Variants in HK1 observed in about 807,000 individuals in gnomAD.
The protein encoded by HK1 is hexokinase 1, also known as hexokinase-1.
A neutral mutation model predicts 91.6 loss-of-function variants in HK1; 28 were observed. The observed-to-expected ratio is 0.31, with a 90% CI of 0.23 to 0.42. The LOEUF (loss-of-function observed/expected upper bound fraction) is 0.42, where lower values mean the gene tolerates loss of function less well. Ranked by LOEUF, HK1 falls within the 10% of genes least tolerant of loss-of-function variation. The probability of loss-of-function intolerance (pLI) is 1.00; values close to 1 mark genes in which losing one functional copy is unlikely to be tolerated. For missense variants in HK1, 770 were observed against 1,219.8 expected (o/e 0.63, Z 5.49); for synonymous variants, 430 against 468.1 (o/e 0.92, Z 1.05).
At chr10:69,353,298 C>T (rs2060930469) in intron 2 of HK1, among the ~76,000 whole-genome samples, 2 of 152,160 alleles carry the variant, frequency 1.3e-5, no homozygotes, top group African/African-American at 2.4e-5. Context: ...TCCACAAAAA[C>T]CTAAAACAGG....
At chr10:69,281,939 TC>T (rs1589433441) in intron 1 of HK1, among the ~76,000 whole-genome samples, 1 of 152,192 alleles carries the variant, frequency 6.6e-6, no homozygotes, top group Non-Finnish European at 1.5e-5. Flanking sequence ...AGTGGGCATT[TC>T]ATCTCTCCAC....
intron 5 of HK1, among the ~76,000 whole-genome samples, chr10:69,308,391 G>A (rs950837699): frequency 1.3e-5 from 2 of 152,162 alleles, no homozygotes; most frequent in African/African-American, 4.8e-5. Context: ...AGCTCCCCGA[G>A]TGAACAATTC....
At chr10:69,293,291 T>C (rs1242040849) in intron 3 of HK1, among the ~76,000 whole-genome samples, 1 of 152,182 alleles carries the variant, frequency 6.6e-6, no homozygotes, top group Admixed American at 6.5e-5. Context: ...GGTACTCACA[T>C]GTGCCTGAGG....
At chr10:69,296,585 G>A (rs535976483) in intron 4 of HK1, among the ~76,000 whole-genome samples, 1 of 152,324 alleles carries the variant, frequency 6.6e-6, no homozygotes, top group South Asian at 2.1e-4. Flanking sequence ...TGAGGGAGTG[G>A]TCAACCCCGT....
chr10:69,287,527 A>G (rs2063048), intron 2 of HK1, among the ~76,000 whole-genome samples: 150,606 of 152,332 alleles, frequency 0.99, 74,484 homozygotes, highest in East Asian at 1. Flanking sequence ...ATATCTTTAT[A>G]AGTCCACTTA....
Position 69,398,828 on chromosome 10 carries a change from A to G in HK1, c.2609A>G (p.His870Arg). The G allele has an allele frequency of 1.9e-6, 3 of 1,604,146 alleles. No homozygotes were observed. The highest frequency in any genetic ancestry group is 2.6e-6 in the Non-Finnish European group (3 of 1,171,192). Residue 870 changes from histidine to arginine, a missense_variant and splice_region_variant, in exon 17 of 18, where the codon CAC becomes CGC. His to Arg is a conservative substitution (Grantham distance 29, BLOSUM62 0). Around this residue, in one of 7 missense-constraint regions of HK1, gnomAD observed 78 missense variants for 99.0 expected, o/e 0.79. Coordinates refer to ENST00000359426, the MANE Select transcript of HK1 (RefSeq NM_000188.3). ...VDGTLYKLHP[H>R]FSRIMHQTVK... ...GGGACACTCTACAAGCTTCATCCAC[A>G]GTGAGTGGGCCTTCCAGTTGGGATG...
intron 2 of HK1, among the ~76,000 whole-genome samples, chr10:69,350,578 C>G (rs1040974784): frequency 1.3e-5 from 2 of 151,572 alleles, no homozygotes; most frequent in African/African-American, 2.4e-5. Context: ...AGGAGAATTG[C>G]TTGAACCCGG....
At chr10:69,280,365 C>A (rs1402121748) in intron 1 of HK1, among the ~76,000 whole-genome samples, 1 of 152,180 alleles carries the variant, frequency 6.6e-6, no homozygotes, top group Non-Finnish European at 1.5e-5. Flanking sequence ...GATTTGCCCA[C>A]CTCGGCCTCC....
At chr10:69,341,983 A>G (rs1848314455) in intron 1 of HK1, among the ~76,000 whole-genome samples, 1 of 152,040 alleles carries the variant, frequency 6.6e-6, no homozygotes, top group Non-Finnish European at 1.5e-5. Flanking sequence ...CCCTGTCTCT[A>G]CTAAAAATAC....
At chr10:69,328,767 C>CG (rs1564516075) in intron 1 of HK1, among the ~76,000 whole-genome samples, 1 of 152,096 alleles carries the variant, frequency 6.6e-6, no homozygotes, top group Non-Finnish European at 1.5e-5. Flanking sequence ...CATCACCCTC[C>CG]GAAAAAAACT....
chr10:69,272,052 C>T (rs888157396), intron 1 of HK1, among the ~76,000 whole-genome samples: 3 of 151,928 alleles, frequency 2.0e-5, no homozygotes, highest in East Asian at 3.9e-4. Flanking sequence ...TTGGTAGAGA[C>T]GGGGTTTTGC....
chr10:69,309,331 G>A (rs188744551), intron 5 of HK1, among the ~76,000 whole-genome samples: 2,390 of 150,128 alleles, frequency 0.016, 68 homozygotes, highest in African/African-American at 0.056. Flanking sequence ...ACAGGCACCC[G>A]CCACCACGCC....
At chr10:69,395,654 A>G (rs904856775) in intron 16 of HK1, among the ~76,000 whole-genome samples, 6 of 152,166 alleles carry the variant, frequency 3.9e-5, no homozygotes, top group African/African-American at 1.2e-4. Flanking sequence ...TTTATTTGAA[A>G]TTATGTGTGT....
At chr10:69,309,432 C>T (rs1166289976) in intron 5 of HK1, among the ~76,000 whole-genome samples, 5 of 140,424 alleles carry the variant, frequency 3.6e-5, no homozygotes, top group African/African-American at 8.0e-5. Flanking sequence ...CCGCCTGCCT[C>T]GGCCTCCTAA....
upstream of HK1, among the ~76,000 whole-genome samples, chr10:69,313,199 A>G (rs1415229182): frequency 1.3e-5 from 2 of 152,228 alleles, no homozygotes; most frequent in East Asian, 1.9e-4. Context: ...GTAAATTCCC[A>G]TTATTAGGAG....
chr10:69,272,157 C>A (rs914295201), intron 1 of HK1, among the ~76,000 whole-genome samples: 2 of 152,232 alleles, frequency 1.3e-5, no homozygotes, highest in African/African-American at 4.8e-5. Flanking sequence ...AACCACTGCG[C>A]CTGACCCAAT....
intron 1 of HK1, among the ~76,000 whole-genome samples, chr10:69,323,177 C>T (rs1275227819): frequency 1.4e-5 from 2 of 147,222 alleles, no homozygotes; most frequent in Non-Finnish European, 3.0e-5. Flanking sequence ...ACCGGGGAGG[C>T]GGAGGTTGCA....
At chr10:69,379,795 G>C in intron 8 of HK1, 67 bp from the exon 9 acceptor site, 1 of 1,136,260 alleles carries the variant, frequency 8.8e-7, no homozygotes, top group Non-Finnish European at 1.3e-6. Context: ...CAGCACCTTT[G>C]AGCCTCAGTG....
upstream of HK1, chr10:69,318,763 C>G: frequency 8.2e-7 from 1 of 1,218,188 alleles, no homozygotes; most frequent in Non-Finnish European, 1.1e-6. Flanking sequence ...CTGTCACCCT[C>G]CAGGGGACGG....
Sources: allele counts gnomAD v4.1 joint callset (sites outside exome capture counted in the v4.1 genomes callset), GRCh38; gene constraint gnomAD v4.1.1; regional missense constraint gnomAD v4.1.1; transcripts MANE v1.5; gene names NCBI Gene and HGNC (gene_info 2026-07-23, HGNC 2026-07-21).